TSHZ1: variants seen among roughly 807,000 people sequenced by gnomAD.
TSHZ1 encodes the protein teashirt homolog 1.
TSHZ1 carries 12 observed loss-of-function variants against 67.1 expected under a neutral mutation model. The ratio of observed to expected loss-of-function variants is 0.18; its 90% CI spans 0.11 to 0.29. TSHZ1 has a LOEUF of 0.29. TSHZ1 is among the 10% of genes least tolerant of loss of function. The pLI is 1.00. For missense variants in TSHZ1, 1,305 were observed against 1,413.9 expected (o/e 0.92, Z 1.23); for synonymous variants, 632 against 622.4 (o/e 1.02, Z -0.23).
At chr18:75,245,762 A>T (rs1230467453) in intron 1 of TSHZ1, among the ~76,000 whole-genome samples, 1 of 152,166 alleles carries the variant, frequency 6.6e-6, no homozygotes, top group Non-Finnish European at 1.5e-5. Context: ...CTATTTCTCC[A>T]TCCACAGCTT....
In TSHZ1 at chr18:75,285,643, G is replaced by A. The variant is rs757996727; in HGVS notation, c.236G>A (p.Ser79Asn). 1.2e-6 allele frequency: 2 copies of A among 1,613,850 alleles called. No individual in the cohort carries two copies. Among genetic ancestry groups the A allele is most frequent in the East Asian group, 4.5e-5 (2 of 44,860 alleles). The change falls in exon 2 of 2, where the codon AGT (serine) becomes AAT (asparagine). Residue 79 changes from serine (S) to asparagine (N), a missense_variant. Ser to Asn is a conservative substitution (Grantham distance 46, BLOSUM62 1). Around this residue, in one of 3 missense-constraint regions of TSHZ1, gnomAD observed 358 missense variants for 375.6 expected, o/e 0.95. Coordinates refer to ENST00000580243, the MANE Select transcript of TSHZ1 (RefSeq NM_001308210.2). ...NQDAGYGSPF[S>N]ESSDQLAHFK... ...GACGCCGGCTACGGGTCGCCCTTCA[G>A]TGAGAGCAGCGACCAGCTAGCCCAT... is the stretch of plus-strand genomic sequence containing the variant.
At chr18:75,253,089 T>C (rs2023323621) in intron 1 of TSHZ1, among the ~76,000 whole-genome samples, 1 of 152,256 alleles carries the variant, frequency 6.6e-6, no homozygotes, top group African/African-American at 2.4e-5. Flanking sequence ...TCTTATTTGC[T>C]ACTATTAAGT....
Position 75,288,349 on chromosome 18 carries a change from C to T in TSHZ1, c.2942C>T (p.Thr981Ile). The T allele has an allele frequency of 6.2e-7, 1 of 1,614,220 alleles. No individual in the cohort carries two copies. The highest frequency in any genetic ancestry group is 8.5e-7 in the Non-Finnish European group (1 of 1,180,046). Residue 981 changes from threonine (T) to isoleucine (I), a missense_variant, in exon 2 of 2, where the codon ACT becomes ATT. Physicochemically the swap from Thr to Ile is moderately conservative, Grantham distance 89. This residue lies in a region of TSHZ1 where 909 missense variants were observed against 961.8 expected (regional missense o/e 0.95). Coordinates refer to ENST00000580243, the MANE Select transcript of TSHZ1 (RefSeq NM_001308210.2). This position sits in a 1 kb window ranked among gnomAD's most constrained non-coding sequence, Gnocchi z 4.9. ...FCNDCASQFR[T>I]ASTYISHLET... ...AACGATTGTGCCTCTCAGTTCAGAA[C>T]TGCTTCTACATACATAAGTCATTTG...
chr18:75,265,521 G>T (rs1020799105), intron 1 of TSHZ1, among the ~76,000 whole-genome samples: 2 of 152,206 alleles, frequency 1.3e-5, no homozygotes, highest in African/African-American at 4.8e-5. Context: ...GTCGTAGGTC[G>T]TATTTCAAAG....
rs554959557 is a variant in TSHZ1, at chr18:75,279,651, A to T, written c.41-5797A>T. Among the ~76,000 whole-genome samples, 452 of 152,364 alleles carry T rather than the reference A, an allele frequency of 3.0e-3. 1 individual carries two copies. Among genetic ancestry groups the T allele is most frequent in the Non-Finnish European group, 4.1e-3 (279 of 68,036 alleles). On this transcript the variant is annotated intron_variant, in intron 1 of 1. Transcript: ENST00000580243. ...AGCAGCCCAGGACAGCCTCTCTGGCAGTGCGGGGCAGGAGCTCACTCATGT... is the reference window on the plus strand; with the variant it reads ...AGCAGCCCAGGACAGCCTCTCTGGCTGTGCGGGGCAGGAGCTCACTCATGT...
At chr18:75,259,119 T>C (rs1382358512) in intron 1 of TSHZ1, among the ~76,000 whole-genome samples, 1 of 152,166 alleles carries the variant, frequency 6.6e-6, no homozygotes, top group African/African-American at 2.4e-5. Flanking sequence ...TATGAATGTG[T>C]GTGGGGTTTT....
intron 1 of TSHZ1, among the ~76,000 whole-genome samples, chr18:75,277,337 C>T (rs1405234096): frequency 6.6e-6 from 1 of 152,186 alleles, no homozygotes; most frequent in Non-Finnish European, 1.5e-5. Context: ...AGGACGATGG[C>T]ACATCTGTGT....
chr18:75,225,616 A>G (rs943935366), intron 1 of TSHZ1, among the ~76,000 whole-genome samples: 3 of 152,210 alleles, frequency 2.0e-5, no homozygotes, highest in Non-Finnish European at 4.4e-5. Context: ...AGGGCCGACA[A>G]TGAGACAGCT....
intron 1 of TSHZ1, among the ~76,000 whole-genome samples, chr18:75,267,108 C>T (rs899036532): frequency 6.6e-6 from 1 of 152,174 alleles, no homozygotes; most frequent in Non-Finnish European, 1.5e-5. Flanking sequence ...ACACAAATTG[C>T]ATGGCTCTAT....
At position 75,220,160 on chromosome 18, in the gene TSHZ1, C is replaced by G. The variant is rs2639987; in HGVS notation, c.40+8244C>G. Among the ~76,000 whole-genome samples the G allele has an allele frequency of 6.8e-3, 1,041 of 152,300 alleles. 13 individuals are homozygous for G. Among genetic ancestry groups the G allele is most frequent in the African/African-American group, 0.021 (870 of 41,548 alleles). ...AAGACTTAGGCTTGCGGGCAAGGTC[C>G]TTCTGCATTTAAAACACTGTGCTCC... On this transcript the variant is annotated intron_variant, in intron 1 of 1. Coordinates refer to ENST00000580243, the MANE Select transcript of TSHZ1 (RefSeq NM_001308210.2).
Position 75,218,543 on chromosome 18 carries a change from C to T in TSHZ1, c.40+6627C>T, listed in dbSNP as rs999831191. On this transcript the variant is annotated intron_variant, in intron 1 of 1. Coordinates refer to ENST00000580243, the MANE Select transcript of TSHZ1 (RefSeq NM_001308210.2). The stretch of plus-strand genomic sequence containing the variant: ...AGGCCAGGTCTAGAACAATCTTCTA[C>T]GAGACTATGGTTCAAAACACTTTCA... 2.6e-5 allele frequency among the ~76,000 whole-genome samples: 4 copies of T among 152,302 alleles called. 1 individual carries two copies. The highest frequency in any genetic ancestry group is 4.1e-4 in the South Asian group (2 of 4,832).
At chr18:75,212,152 G>A (rs1359872824) in intron 1 of TSHZ1, among the ~76,000 whole-genome samples, 1 of 152,186 alleles carries the variant, frequency 6.6e-6, no homozygotes, top group Non-Finnish European at 1.5e-5. Flanking sequence ...TGCGCTGCGG[G>A]AAGCCCGGAT....
chr18:75,274,097 C>T (rs2023588243), intron 1 of TSHZ1, among the ~76,000 whole-genome samples: 1 of 152,110 alleles, frequency 6.6e-6, no homozygotes, highest in Admixed American at 6.5e-5. Flanking sequence ...CCCCCGATGG[C>T]AGGACACACT....
intron 1 of TSHZ1, among the ~76,000 whole-genome samples, chr18:75,235,260 G>A (rs1005060017): frequency 5.3e-5 from 8 of 152,140 alleles, no homozygotes; most frequent in East Asian, 3.8e-4. Context: ...GACATGTGGC[G>A]TTGGGTCCCT....
intron 1 of TSHZ1, among the ~76,000 whole-genome samples, chr18:75,241,773 C>T (rs528150726): frequency 7.9e-5 from 12 of 151,956 alleles, no homozygotes; most frequent in African/African-American, 2.9e-4. Context: ...GGCCAGCCTC[C>T]CTCTGAAGGC....
chr18:75,222,150 G>A (rs1350630492), intron 1 of TSHZ1, among the ~76,000 whole-genome samples: 1 of 151,946 alleles, frequency 6.6e-6, no homozygotes, highest in Admixed American at 6.6e-5. Context: ...GTAGCGGCGT[G>A]GCTTGTGTGC....
Position 75,212,249 on chromosome 18 carries a change from T to C in TSHZ1, c.40+333T>C, listed in dbSNP as rs1156420818. Among the ~76,000 whole-genome samples the C allele has an allele frequency of 2.0e-5, 3 of 152,286 alleles. No individual in the cohort carries two copies. The East Asian group carries it at 5.8e-4, about 30-fold the overall frequency. On this transcript the variant is annotated intron_variant, in intron 1 of 1. Coordinates refer to ENST00000580243, the MANE Select transcript of TSHZ1 (RefSeq NM_001308210.2). ...TGCGCTGAGGGGAAGTAGTTGCTCC[T>C]TGGCTGCCGGAGCGCACTGGAAAAG...
intron 1 of TSHZ1, among the ~76,000 whole-genome samples, chr18:75,274,653 T>C (rs1460512490): frequency 6.6e-6 from 1 of 152,190 alleles, no homozygotes; most frequent in Non-Finnish European, 1.5e-5. Flanking sequence ...AACAAAGGAT[T>C]GTCACAAATA....
In TSHZ1 at chr18:75,288,274, G is replaced by C. The variant is rs778122394; in HGVS notation, c.2867G>C (p.Gly956Ala). The C allele has an allele frequency of 2.5e-6, 4 of 1,614,202 alleles. No individual in the cohort carries two copies. Among genetic ancestry groups the C allele is most frequent in the Middle Eastern group, 3.3e-4 (2 of 6,062 alleles). Residue 956 changes from glycine to alanine, a missense_variant, in exon 2 of 2, where the codon GGA (glycine) becomes GCA (alanine). Gly to Ala is a moderately conservative substitution (Grantham distance 60). This residue lies in a region of TSHZ1 where 909 missense variants were observed against 961.8 expected (regional missense o/e 0.95). Transcript: ENST00000580243. The surrounding 1 kb of genome is among the most constrained non-coding windows in gnomAD (Gnocchi z 4.9). ...AAGTACCAGTTGAGGAGGACAGGGG[G>C]AACGAAATTCCTAAAGAACCTGGAC... ...NVKYQLRRTGGTKFLKNLDTG... is the reference protein window; with the variant it reads ...NVKYQLRRTGATKFLKNLDTG...
Sources: gnomAD v4.1 joint callset for allele counts (sites outside exome capture counted in the v4.1 genomes callset) on GRCh38, gnomAD v4.1.1 for gene constraint, gnomAD v4.1.1 regional missense constraint, Gnocchi (gnomAD v3.1) non-coding constraint, MANE v1.5 for transcripts, NCBI Gene and HGNC (gene_info 2026-07-23, HGNC 2026-07-21) for gene names.